ROR2: variants seen among roughly 807,000 people sequenced by gnomAD.
ROR2 encodes ROR family WNT receptor 2, also known as tyrosine-protein kinase transmembrane receptor ROR2.
Under a neutral mutation model 74.9 loss-of-function variants are expected in ROR2, and 33 were observed. The observed-to-expected ratio is 0.44, with a 90% CI of 0.33 to 0.59. The LOEUF is 0.59. Among genes scored for constraint, ROR2 ranks in the 20% least tolerant of loss-of-function variants. The pLI is 0.02. For synonymous variants in ROR2, 586 were observed against 558.7 expected, an observed-to-expected ratio of 1.05 and a Z score of -0.69; for missense variants, 1,216 against 1,313.8, an observed-to-expected ratio of 0.93 and a Z score of 1.15.
At chr9:91,946,103 T>C (rs1832007071) in intron 1 of ROR2, among the ~76,000 whole-genome samples, 1 of 152,194 alleles carries the variant, frequency 6.6e-6, no homozygotes. Context: ...AGTAATGTTT[T>C]CAAAGCCAGT....
rs551735805 is a variant in ROR2, at chr9:91,814,613, A to C, written c.98-38795T>G. 6.6e-4 allele frequency among the ~76,000 whole-genome samples: 101 copies of C among 152,374 alleles called. 2 individuals are homozygous for C. The South Asian group carries it at 0.019, about 29-fold the overall frequency. Reference sequence around the variant, plus strand: ...TCTTTGGAAGAAATCCACAAATTAAAGACAAAAAGTTAACCTGAGATCCCC... The same window carrying C: ...TCTTTGGAAGAAATCCACAAATTAACGACAAAAAGTTAACCTGAGATCCCC... On this transcript the variant is annotated intron_variant, in intron 1 of 8. Transcript: ENST00000375708.
chr9:91,880,256 G>C (rs1830071755), intron 1 of ROR2, among the ~76,000 whole-genome samples: 1 of 152,166 alleles, frequency 6.6e-6, no homozygotes, highest in African/African-American at 2.4e-5. Context: ...GGCCACAGGA[G>C]AAACCAGCCC....
intron 4 of ROR2, among the ~76,000 whole-genome samples, chr9:91,737,838 G>A (rs1587670784): frequency 1.3e-5 from 2 of 152,058 alleles, no homozygotes; most frequent in African/African-American, 4.8e-5. Context: ...AAAAAGAGAG[G>A]AAACTTACAT....
intron 4 of ROR2, among the ~76,000 whole-genome samples, chr9:91,746,992 G>A (rs1027692244): frequency 2.6e-5 from 4 of 152,126 alleles, no homozygotes; most frequent in Middle Eastern, 3.4e-3. Context: ...AAGGCAGCAC[G>A]CCCCACCCCA....
intron 4 of ROR2, 107 bp from the exon 5 acceptor site, chr9:91,737,625 G>T: frequency 6.9e-7 from 1 of 1,451,054 alleles, no homozygotes. Flanking sequence ...TTGTTACTTG[G>T]TATTTATATA....
intron 1 of ROR2, among the ~76,000 whole-genome samples, chr9:91,829,387 C>A (rs1338297807): frequency 6.6e-6 from 1 of 151,592 alleles, no homozygotes; most frequent in Non-Finnish European, 1.5e-5. Context: ...TACTAAAACA[C>A]ACACACACAA....
At chr9:91,920,736 C>G (rs1248858667) in intron 1 of ROR2, among the ~76,000 whole-genome samples, 1 of 152,100 alleles carries the variant, frequency 6.6e-6, no homozygotes, top group African/African-American at 2.4e-5. Flanking sequence ...ATACACATGA[C>G]AGATAGGTCA....
rs1305393719 is a variant in ROR2 at position 91,723,786 on chromosome 9, T to A, written c.2708A>T (p.Asp903Val). The A allele has an allele frequency of 6.2e-7, 1 of 1,613,812 alleles. No individual in the cohort carries two copies. Among genetic ancestry groups the A allele is most frequent in the South Asian group, 1.1e-5 (1 of 91,074 alleles). ...TTCCTGCACGGTGCTCTGGGCCCCA[T>A]CTTCTGGGGCGTTCTGTGTGTCATC... ...GADDTQNAPE[D>V]GAQSTVQEAE... Residue 903 changes from aspartate to valine, a missense_variant, in exon 9 of 9, where the codon GAT becomes GTT. Transcript: ENST00000375708.
At position 91,908,258 on chromosome 9, in the gene ROR2, T is replaced by C. The variant is rs953067417; in HGVS notation, c.97+41609A>G. Among the ~76,000 whole-genome samples, 5 of 152,342 alleles carry C rather than the reference T, an allele frequency of 3.3e-5. No individual in the cohort carries two copies. The East Asian group carries it at 9.6e-4, about 29-fold the overall frequency. On this transcript the variant is annotated intron_variant, in intron 1 of 8. Coordinates refer to ENST00000375708, the MANE Select transcript of ROR2 (RefSeq NM_004560.4). ...GGAGACAATGGGACACGTTTGTATTTAAAGCTGTGCCTGGGGCACCCGCAG... is the reference window on the plus strand; with the variant it reads ...GGAGACAATGGGACACGTTTGTATTCAAAGCTGTGCCTGGGGCACCCGCAG...
intron 1 of ROR2, among the ~76,000 whole-genome samples, chr9:91,792,987 T>C (rs1827050666): frequency 6.6e-6 from 1 of 152,226 alleles, no homozygotes; most frequent in South Asian, 2.1e-4. Flanking sequence ...TTCTATCAAA[T>C]GTTTAGAGAA....
At chr9:91,920,201 C>T (rs1831228750) in intron 1 of ROR2, among the ~76,000 whole-genome samples, 2 of 152,208 alleles carry the variant, frequency 1.3e-5, no homozygotes, top group Non-Finnish European at 1.5e-5. Flanking sequence ...TAAGCCCTTA[C>T]TTGTGCTTAA....
chr9:91,743,319 C>T (rs1825306639), intron 4 of ROR2, among the ~76,000 whole-genome samples: 2 of 152,114 alleles, frequency 1.3e-5, no homozygotes, highest in African/African-American at 4.8e-5. Context: ...CATCTGTAAT[C>T]CCAGCATTTT....
At chr9:91,872,962 T>G (rs1587807727) in intron 1 of ROR2, among the ~76,000 whole-genome samples, 1 of 152,344 alleles carries the variant, frequency 6.6e-6, no homozygotes, top group South Asian at 2.1e-4. Flanking sequence ...TTTTTAACTC[T>G]GTAAAAGAAC....
intron 1 of ROR2, among the ~76,000 whole-genome samples, chr9:91,934,192 CAT>C (rs1364914638): frequency 6.6e-6 from 1 of 152,090 alleles, no homozygotes; most frequent in Non-Finnish European, 1.5e-5. Flanking sequence ...AAATCATCAA[CAT>C]GTGTTACTAG....
intron 1 of ROR2, among the ~76,000 whole-genome samples, chr9:91,932,314 G>A (rs1243164469): frequency 1.3e-5 from 2 of 151,988 alleles, no homozygotes; most frequent in African/African-American, 2.4e-5. Context: ...ACAAAAGCTG[G>A]CTTAATTTGA....
intron 1 of ROR2, among the ~76,000 whole-genome samples, chr9:91,861,767 T>G (rs1374016859): frequency 6.6e-6 from 1 of 152,196 alleles, no homozygotes; most frequent in Non-Finnish European, 1.5e-5. Flanking sequence ...TATTAAAAAC[T>G]TGTGTGCTTC....
intron 1 of ROR2, among the ~76,000 whole-genome samples, chr9:91,880,210 AC>A (rs1830070438): frequency 6.6e-6 from 1 of 152,176 alleles, no homozygotes; most frequent in Non-Finnish European, 1.5e-5. Context: ...ATGTGAAGAC[AC>A]AGGGTGAAGA....
intron 1 of ROR2, among the ~76,000 whole-genome samples, chr9:91,835,231 T>C (rs1828575621): frequency 6.6e-6 from 1 of 152,156 alleles, no homozygotes; most frequent in East Asian, 1.9e-4. Flanking sequence ...CAGTGCCATT[T>C]GCTAATGGAA....
intron 1 of ROR2, among the ~76,000 whole-genome samples, chr9:91,941,289 G>T (rs1831858529): frequency 6.6e-6 from 1 of 152,134 alleles, no homozygotes; most frequent in African/African-American, 2.4e-5. Context: ...GAGCCACCGT[G>T]CCCGGCCTTA....
Sources: allele counts gnomAD v4.1 joint callset (sites outside exome capture counted in the v4.1 genomes callset), GRCh38; gene constraint gnomAD v4.1.1; transcripts MANE v1.5; gene names NCBI Gene and HGNC (gene_info 2026-07-23, HGNC 2026-07-21).